The following PTPRD variants were observed in gnomAD, a reference collection of about 807,000 sequenced individuals.
PTPRD encodes protein tyrosine phosphatase receptor type D, also known as receptor-type tyrosine-protein phosphatase delta.
In PTPRD, 34 loss-of-function variants were observed where a neutral mutation model predicts 214.5. That is an observed-to-expected ratio of 0.16 (90% CI 0.12 to 0.21). PTPRD has a LOEUF of 0.21. Among genes scored for constraint, PTPRD ranks in the 10% least tolerant of loss-of-function variants. The pLI, the probability that PTPRD is intolerant of heterozygous loss-of-function variation, is 1.00. For missense variants in PTPRD, 2,545 were observed against 2,398.7 expected, an observed-to-expected ratio of 1.06 and a Z score of -1.27; for synonymous variants, 1,128 against 845.7, an observed-to-expected ratio of 1.33 and a Z score of -5.79.
intron 9 of PTPRD, among the ~76,000 whole-genome samples, chr9:9,258,937 T>C (rs921617001): frequency 6.6e-6 from 1 of 152,076 alleles, no homozygotes; most frequent in East Asian, 2.0e-4. Context: ...TGTGCAGACA[T>C]TGATTCATTT....
intron 6 of PTPRD, among the ~76,000 whole-genome samples, chr9:9,736,814 T>A (rs932419138): frequency 6.6e-6 from 1 of 152,068 alleles, no homozygotes; most frequent in Admixed American, 6.6e-5. Context: ...ACAGAAGTGC[T>A]TTATGTATTC....
chr9:8,560,474 T>C (rs7860434), intron 14 of PTPRD, among the ~76,000 whole-genome samples: 11,000 of 99,144 alleles, frequency 0.11, 1,229 homozygotes, highest in African/African-American at 0.47. Flanking sequence ...CACACACACA[T>C]ATATACACTG....
chr9:9,625,389 AG>A (rs2095388817), intron 7 of PTPRD, among the ~76,000 whole-genome samples: 1 of 152,124 alleles, frequency 6.6e-6, no homozygotes, highest in Non-Finnish European at 1.5e-5. Flanking sequence ...ATGCTGTTAG[AG>A]TGGCTAGGAG....
chr9:10,208,310 C>A (rs568193048), intron 3 of PTPRD, among the ~76,000 whole-genome samples: 6 of 152,120 alleles, frequency 3.9e-5, no homozygotes, highest in African/African-American at 1.2e-4. Context: ...GTCAGGAGAT[C>A]GACGCCATCC....
intron 14 of PTPRD, among the ~76,000 whole-genome samples, chr9:8,602,214 T>C (rs1046695289): frequency 5.1e-4 from 78 of 152,324 alleles, no homozygotes; most frequent in African/African-American, 1.7e-3. Context: ...GAGCCAATAG[T>C]TCTAAATAGA....
At chr9:9,043,836 G>A (rs1020996898) in intron 10 of PTPRD, among the ~76,000 whole-genome samples, 3 of 151,478 alleles carry the variant, frequency 2.0e-5, no homozygotes, top group Admixed American at 6.6e-5. Context: ...CTTGGGAGGC[G>A]GAGGTTGCAA....
rs149259317 is a variant in PTPRD at position 8,384,314 on chromosome 9, G to C, written c.4386+4918C>G. On this transcript the variant is annotated intron_variant, in intron 37 of 45. Coordinates refer to ENST00000381196, the MANE Select transcript of PTPRD (RefSeq NM_002839.4). ...ATGTTATGAAACATGGAAACAATTA[G>C]AAACCACATTCTAGGGAACTAGAAT... Among the ~76,000 whole-genome samples, 400 of 152,056 alleles carry C rather than the reference G, an allele frequency of 2.6e-3. 4 individuals are homozygous for C. In the East Asian group the frequency reaches 0.042, roughly 16 times the overall value.
intron 39 of PTPRD, among the ~76,000 whole-genome samples, chr9:8,351,802 T>C (rs983217655): frequency 1.4e-5 from 2 of 140,840 alleles, no homozygotes; most frequent in Non-Finnish European, 3.0e-5. Flanking sequence ...CCCAGAGCCA[T>C]GATCACTCCA....
chr9:8,834,739 G>T (rs890835500), intron 11 of PTPRD, among the ~76,000 whole-genome samples: 2 of 152,160 alleles, frequency 1.3e-5, no homozygotes, highest in African/African-American at 4.8e-5. Flanking sequence ...TTGACCCACA[G>T]ACCAAAACAA....
At chr9:10,460,443 A>G (rs1341495652) in intron 2 of PTPRD, among the ~76,000 whole-genome samples, 4 of 151,988 alleles carry the variant, frequency 2.6e-5, no homozygotes, top group Admixed American at 2.6e-4. Flanking sequence ...AAAAAAAAAA[A>G]GTTGAAAACA....
intron 9 of PTPRD, among the ~76,000 whole-genome samples, chr9:9,287,061 C>G (rs923185832): frequency 6.7e-6 from 1 of 150,120 alleles, no homozygotes; most frequent in African/African-American, 2.4e-5. Context: ...ACTGTCTCTG[C>G]TAAAAATACA....
chr9:10,278,906 C>T (rs979874230), intron 3 of PTPRD, among the ~76,000 whole-genome samples: 1 of 152,070 alleles, frequency 6.6e-6, no homozygotes, highest in Non-Finnish European at 1.5e-5. Flanking sequence ...TCCCGAGTAG[C>T]TGGGACTACA....
At chr9:9,622,358 G>A (rs2095273286) in intron 7 of PTPRD, among the ~76,000 whole-genome samples, 1 of 152,180 alleles carries the variant, frequency 6.6e-6, no homozygotes, top group Non-Finnish European at 1.5e-5. Flanking sequence ...TGTGGAAAAT[G>A]TCATGCTGAA....
chr9:8,353,816 AAATATATGTATATATGTATATATGT>A (rs1173906848), intron 39 of PTPRD, among the ~76,000 whole-genome samples: 3 of 44,024 alleles, frequency 6.8e-5, no homozygotes, highest in Middle Eastern at 7.7e-3. Flanking sequence ...TCTCAAAAAA[AAATATATGTATATATGTATATATGT>A]ATATATGTAT....
At chr9:10,126,537 A>G (rs914424954) in intron 3 of PTPRD, among the ~76,000 whole-genome samples, 1 of 152,074 alleles carries the variant, frequency 6.6e-6, no homozygotes, top group Non-Finnish European at 1.5e-5. Context: ...TTTTGTATAG[A>G]TATTTGACCA....
chr9:9,970,521 A>C lies in PTPRD; in HGVS notation c.-471-31911T>G, dbSNP rs570054416. ...CATCTGGTTGGGTGGACAGTCAGAC[A>C]TGGCTCTTAGTGCAGCAGGTATGTA... On this transcript the variant is annotated intron_variant, in intron 4 of 45. Coordinates refer to ENST00000381196, the MANE Select transcript of PTPRD (RefSeq NM_002839.4). Among the ~76,000 whole-genome samples the C allele has an allele frequency of 1.5e-3, 234 of 152,184 alleles. 1 individual carries two copies. Among genetic ancestry groups the C allele is most frequent in the African/African-American group, 5.5e-3 (229 of 41,518 alleles).
chr9:10,415,153 C>T (rs565637453), intron 2 of PTPRD, among the ~76,000 whole-genome samples: 63 of 151,718 alleles, frequency 4.2e-4, no homozygotes, highest in African/African-American at 1.4e-3. Context: ...TAATTTGTGA[C>T]TTAGCTTCTT....
intron 5 of PTPRD, among the ~76,000 whole-genome samples, chr9:9,868,933 A>T (rs531622909): frequency 3.6e-4 from 55 of 152,226 alleles, no homozygotes; most frequent in African/African-American, 1.3e-3. Flanking sequence ...AACCATTGAC[A>T]AGGAAAAAAA....
chr9:9,866,937 T>A (rs546157455), intron 5 of PTPRD, among the ~76,000 whole-genome samples: 1 of 152,160 alleles, frequency 6.6e-6, no homozygotes. Context: ...GGGGTGTAAG[T>A]ACAGCTTATA....
Sources: gnomAD v4.1 joint callset for allele counts (sites outside exome capture counted in the v4.1 genomes callset) on GRCh38, gnomAD v4.1.1 for gene constraint, MANE v1.5 for transcripts, NCBI Gene and HGNC (gene_info 2026-07-23, HGNC 2026-07-21) for gene names.